CCDC51: variants seen among roughly 807,000 people sequenced by gnomAD.
CCDC51 encodes the protein mitochondrial potassium channel.
In CCDC51, 25 loss-of-function variants were observed where a neutral mutation model predicts 24.8. The ratio of observed to expected loss-of-function variants is 1.01; its 90% CI spans 0.73 to 1.41. CCDC51 has a LOEUF of 1.41. CCDC51 is among the 40% of genes most tolerant of loss of function. The pLI is 0.00. For missense variants in CCDC51, 466 were observed against 519.1 expected (o/e 0.90, Z 0.99); for synonymous variants, 190 against 204.3 (o/e 0.93, Z 0.60).
At position 48,433,316 on chromosome 3, in the gene CCDC51, T is replaced by G; in HGVS notation, c.478-150A>C. 1.3e-6 allele frequency: 1 copy of G among 770,538 alleles called. No homozygotes were observed. Among genetic ancestry groups the G allele is most frequent in the Non-Finnish European group, 2.0e-6 (1 of 487,812 alleles). The allele number at this position is 770,538 out of a possible 1,614,324, so 47.7% of individuals were successfully genotyped here. Reference sequence around the variant, plus strand: ...TGAATGAAGGTAGCACCAACCTGGCTGGGTCAGAAGGGCAAAGGAATTGGG... The same window carrying G: ...TGAATGAAGGTAGCACCAACCTGGCGGGGTCAGAAGGGCAAAGGAATTGGG... On this transcript the variant is annotated intron_variant, in intron 3 of 3. Coordinates refer to ENST00000395694, the MANE Select transcript of CCDC51 (RefSeq NM_001256964.2). This position sits in a 1 kb window ranked among gnomAD's most constrained non-coding sequence, Gnocchi z 4.4.
At position 48,435,074 on chromosome 3, in the gene CCDC51, C is replaced by T. The variant is rs757741217; in HGVS notation, c.55G>A (p.Val19Ile). The T allele has an allele frequency of 4.5e-5, 73 of 1,611,840 alleles. No individual in the cohort carries two copies. In the Middle Eastern group the frequency reaches 4.9e-4, roughly 11 times the overall value. Reference protein sequence around the residue: ...AMQHIVGVPHVLVRRGLLGRD... With the variant: ...AMQHIVGVPHILVRRGLLGRD... ...CCAAGGAGGCCCCTCCGAACCAGTA[C>T]GTGGGGCACACCCACGATGTGCTGC... The change falls in exon 2 of 4, where the codon GTA (valine) becomes ATA (isoleucine). Residue 19 changes from valine (V) to isoleucine (I), a missense_variant. By Grantham distance (29) the Val-to-Ile change is conservative. Transcript: ENST00000395694. This position sits in a 1 kb window ranked among gnomAD's most constrained non-coding sequence, Gnocchi z 4.2.
At chr3:48,440,149 A>G, upstream of CCDC51, 1 of 1,350,186 alleles carries the variant, frequency 7.4e-7, no homozygotes, top group East Asian at 2.4e-5. Flanking sequence ...ACCTGTTAGT[A>G]CCCGCCCCTG....
upstream of CCDC51, chr3:48,440,962 C>G (rs2039547320): frequency 2.4e-6 from 1 of 417,964 alleles, no homozygotes; most frequent in Non-Finnish European, 4.3e-6. Context: ...GCCCCAAATT[C>G]GTATTTCACT....
At chr3:48,445,293 C>A (rs537217021), upstream of CCDC51, 1 of 152,214 alleles carries the variant, frequency 6.6e-6, no homozygotes, top group African/African-American at 2.4e-5. Context: ...GCTCTGGAAC[C>A]ATTATGAGAC....
At position 48,432,776 on chromosome 3, in the gene CCDC51, G is replaced by T. The variant is rs762815695; in HGVS notation, c.868C>A (p.Pro290Thr). ...ACATCTACATCTCTGTCTCTGGTCG[G>T]GGGACTACCTGCCTGTGACCCAGAG... ...QDSGSQAGSP[P>T]TRDRDVDVLS... Residue 290 changes from proline (P) to threonine (T), a missense_variant, in exon 4 of 4, where the codon CCG becomes ACG. Pro to Thr is a conservative substitution (Grantham distance 38, BLOSUM62 -1). Coordinates refer to ENST00000395694, the MANE Select transcript of CCDC51 (RefSeq NM_001256964.2). 1 of 1,614,150 alleles carries T rather than the reference G, an allele frequency of 6.2e-7. No individual in the cohort carries two copies. Among genetic ancestry groups the T allele is most frequent in the Non-Finnish European group, 8.5e-7 (1 of 1,180,054 alleles).
rs1329253121 is a variant in CCDC51 at position 48,435,122 on chromosome 3, C to T, written c.7G>A (p.Gly3Arg). Reference sequence around the variant, plus strand: ...TGCATGGCAAACCCAGGGCTGCGCCCCATCATCCTGAGATCTGTGAGGGGG... The same window carrying T: ...TGCATGGCAAACCCAGGGCTGCGCCTCATCATCCTGAGATCTGTGAGGGGG... MM[G>R]RSPGFAMQHI... is the part of the protein sequence containing the mutation. Residue 3 changes from glycine to arginine, a missense_variant, in exon 2 of 4, where the codon GGG becomes AGG. Coordinates refer to ENST00000395694, the MANE Select transcript of CCDC51 (RefSeq NM_001256964.2). This position sits in a 1 kb window ranked among gnomAD's most constrained non-coding sequence, Gnocchi z 4.2. 2 of 1,576,698 alleles carry T rather than the reference C, an allele frequency of 1.3e-6. No individual in the cohort carries two copies. The highest frequency in any genetic ancestry group is 1.8e-5 in the Admixed American group (1 of 55,430).
intron 1 of CCDC51, 118 bp downstream of exon 1, chr3:48,439,870 C>T (rs981681516): frequency 1.6e-5 from 4 of 252,560 alleles, no homozygotes; most frequent in African/African-American, 8.9e-5. Context: ...TGATATAACT[C>T]CCGTCCACTT....
chr3:48,438,428 G>C (rs1434603047), intron 1 of CCDC51, among the ~76,000 whole-genome samples: 1 of 152,006 alleles, frequency 6.6e-6, no homozygotes, highest in African/African-American at 2.4e-5. Flanking sequence ...ATCTCTGCCT[G>C]AAAATCTAAT....
Position 48,433,806 on chromosome 3 carries a change from G to A in CCDC51, c.378C>T (p.His126=), listed in dbSNP as rs376234299. 2 of 1,613,968 alleles carry A rather than the reference G, an allele frequency of 1.2e-6. No homozygotes were observed. The highest frequency in any genetic ancestry group is 1.7e-6 in the Non-Finnish European group (2 of 1,179,986). Residue 126 remains histidine, a synonymous_variant, in exon 3 of 4, where the codon CAC becomes CAT. Transcript: ENST00000395694. The surrounding 1 kb of genome is among the most constrained non-coding windows in gnomAD (Gnocchi z 4.4). ...VREAREDLEV[H]QAKLKEVRDR... ...CCCTCACCTCCTTCAGCTTGGCCTG[G>A]TGAACTTCCAAGTCCTCCCGAGCCT...
chr3:48,441,059 A>C (rs1351598165), upstream of CCDC51: 1 of 184,154 alleles, frequency 5.4e-6, no homozygotes, highest in Admixed American at 5.5e-5. Flanking sequence ...TCTGTCTCCC[A>C]GGCTGGAGTG....
rs981387716 is a variant in CCDC51, at chr3:48,432,289, A to G, written c.*119T>C. The stretch of plus-strand genomic sequence containing the variant: ...ATGCCTGCTGGTGAGCCACACAGAT[A>G]CTGCTCCTTCAGATTGAGGTTGTAC... On this transcript the variant is annotated 3_prime_UTR_variant, in exon 4 of 4. Transcript: ENST00000395694. 2 of 1,183,842 alleles carry G rather than the reference A, an allele frequency of 1.7e-6. No homozygotes were observed. The highest frequency in any genetic ancestry group is 1.5e-5 in the African/African-American group (1 of 66,068). 73.3% of individuals were successfully genotyped at this position (1,183,842 alleles called of 1,614,324 possible).
At chr3:48,445,127 C>G (rs1460758815), upstream of CCDC51, 1 of 151,858 alleles carries the variant, frequency 6.6e-6, no homozygotes, top group African/African-American at 2.4e-5. Flanking sequence ...GAGCCAAGAT[C>G]ACACCACTGC....
chr3:48,441,485 C>T (rs1284832072), upstream of CCDC51, among the ~76,000 whole-genome samples: 4 of 145,488 alleles, frequency 2.7e-5, no homozygotes, highest in African/African-American at 1.0e-4. Context: ...ACCTGGCCAA[C>T]TTTTTTTTTT....
upstream of CCDC51, among the ~76,000 whole-genome samples, chr3:48,441,475 A>G (rs374906575): frequency 6.2e-3 from 805 of 129,476 alleles, 5 homozygotes; most frequent in African/African-American, 0.022. Context: ...GAGCCACAGC[A>G]CCTGGCCAAC....
At chr3:48,443,914 C>T (rs1469930387), upstream of CCDC51, 1 of 1,481,550 alleles carries the variant, frequency 6.7e-7, no homozygotes, top group Non-Finnish European at 9.0e-7. Flanking sequence ...GATGGTGACC[C>T]TTTATTTCAT....
At position 48,434,930 on chromosome 3, in the gene CCDC51, G is replaced by A. The variant is rs11553587; in HGVS notation, c.199C>T (p.Leu67=). The change falls in exon 2 of 4, where the codon CTG becomes TTG. Residue 67 remains leucine, a synonymous_variant. Coordinates refer to ENST00000395694, the MANE Select transcript of CCDC51 (RefSeq NM_001256964.2). ...HHRLPALGRA[L]GHSIQQRATS... ...GCTCGTTGCTGAATGCTGTGCCCCA[G>A]GGCTCTTCCCAGTGCTGGGAGGCGG... The A allele has an allele frequency of 6.2e-7, 1 of 1,614,244 alleles. No individual in the cohort carries two copies. Among genetic ancestry groups the A allele is most frequent in the South Asian group, 1.1e-5 (1 of 91,088 alleles).
upstream of CCDC51, chr3:48,440,127 A>T: frequency 9.1e-7 from 1 of 1,102,652 alleles, no homozygotes; most frequent in Non-Finnish European, 1.3e-6. Context: ...TCTGCCACTC[A>T]GTTGACCTCT....
upstream of CCDC51, chr3:48,440,281 A>G: frequency 6.2e-6 from 10 of 1,600,022 alleles, no homozygotes; most frequent in Non-Finnish European, 8.5e-6. Flanking sequence ...GGTCTGGGGA[A>G]GCGGCGGCAG....
Position 48,432,200 on chromosome 3 carries a change from T to C in CCDC51, c.*208A>G. The C allele has an allele frequency of 1.7e-6, 1 of 572,508 alleles. No individual in the cohort carries two copies. Among genetic ancestry groups the C allele is most frequent in the Admixed American group, 3.1e-5 (1 of 32,212 alleles). The allele number at this position is 572,508 out of a possible 1,614,324, so 35.5% of individuals were successfully genotyped here. A position where few individuals can be genotyped will look rare whatever the true frequency, so the allele number is the denominator to read the frequency against. Reference sequence around the variant, plus strand: ...TTAAATAATAAAACTCAGGATATTTTAATTGGACATTAGCACAAAGTTTTG... The same window carrying C: ...TTAAATAATAAAACTCAGGATATTTCAATTGGACATTAGCACAAAGTTTTG... On this transcript the variant is annotated 3_prime_UTR_variant, in exon 4 of 4. Coordinates refer to ENST00000395694, the MANE Select transcript of CCDC51 (RefSeq NM_001256964.2).
Sources: gnomAD v4.1 joint callset for allele counts (sites outside exome capture counted in the v4.1 genomes callset) on GRCh38, gnomAD v4.1.1 for gene constraint, Gnocchi (gnomAD v3.1) non-coding constraint, MANE v1.5 for transcripts, NCBI Gene and HGNC (gene_info 2026-07-23, HGNC 2026-07-21) for gene names.